The following DEPTOR variants were observed in gnomAD, a reference collection of about 807,000 sequenced individuals.
DEPTOR encodes DEP domain-containing mTOR-interacting protein.
In DEPTOR, 41 loss-of-function variants were observed where a neutral mutation model predicts 41.6. The observed-to-expected ratio is 0.98, with a 90% CI of 0.77 to 1.28. The LOEUF (loss-of-function observed/expected upper bound fraction) is 1.28, where lower values mean the gene tolerates loss of function less well. DEPTOR is among the 50% of genes most tolerant of loss of function. DEPTOR has a pLI of 0.00. For missense variants in DEPTOR, 514 were observed against 527.9 expected (o/e 0.97, Z 0.26); for synonymous variants, 195 against 192.3 (o/e 1.01, Z -0.12).
chr8:119,925,853 G>A (rs990107746), intron 1 of DEPTOR, among the ~76,000 whole-genome samples: 1 of 152,204 alleles, frequency 6.6e-6, no homozygotes, highest in South Asian at 2.1e-4. Flanking sequence ...TCGAGCTCCC[G>A]ACCTCAAGTG....
chr8:119,888,684 C>T (rs1311557049), intron 1 of DEPTOR, among the ~76,000 whole-genome samples: 4 of 151,880 alleles, frequency 2.6e-5, no homozygotes, highest in African/African-American at 4.8e-5. Flanking sequence ...GGTGAAACCC[C>T]GTCTCTACTA....
chr8:120,023,792 C>A (rs1812757854), intron 8 of DEPTOR, among the ~76,000 whole-genome samples: 1 of 118,194 alleles, frequency 8.5e-6, no homozygotes, highest in Non-Finnish European at 1.8e-5. Context: ...GTTTCAGTCA[C>A]CTATTTTGTT....
chr8:119,987,771 G>A (rs139869524), intron 4 of DEPTOR, among the ~76,000 whole-genome samples: 349 of 152,300 alleles, frequency 2.3e-3, no homozygotes, highest in Middle Eastern at 3.4e-3. Context: ...CATAGCTGTG[G>A]TGGGCTCTGC....
chr8:120,002,791 A>AAATATATATAT, intron 5 of DEPTOR, among the ~76,000 whole-genome samples, 186 bp from the exon 6 acceptor site: 29 of 60,676 alleles, frequency 4.8e-4, no homozygotes, highest in African/African-American at 6.8e-4. Context: ...AAAAAAAAAA[A>AAATATATATAT]ATATATATAT....
At chr8:119,929,180 C>T (rs1482888270) in intron 2 of DEPTOR, among the ~76,000 whole-genome samples, 1 of 152,136 alleles carries the variant, frequency 6.6e-6, no homozygotes, top group African/African-American at 2.4e-5. Context: ...AATGAAGATT[C>T]ACCAACATGT....
rs552183759 is a variant in DEPTOR at position 119,963,600 on chromosome 8, C to G, written c.426-1632C>G. 2.0e-3 allele frequency among the ~76,000 whole-genome samples: 311 copies of G among 152,296 alleles called. 1 individual carries two copies. Among genetic ancestry groups the G allele is most frequent in the Admixed American group, 4.7e-3 (72 of 15,302 alleles). ...CCCTGACCTCAAGTGATCCACCAGCCTCAGCTTCCCAAGGTGCTGGGACTA... is the reference window on the plus strand; with the variant it reads ...CCCTGACCTCAAGTGATCCACCAGCGTCAGCTTCCCAAGGTGCTGGGACTA... On this transcript the variant is annotated intron_variant, in intron 3 of 8. Transcript: ENST00000286234.
chr8:119,921,748 G>GTTTTGT (rs1827896747), intron 1 of DEPTOR, among the ~76,000 whole-genome samples: 1 of 131,132 alleles, frequency 7.6e-6, no homozygotes, highest in African/African-American at 3.0e-5. Flanking sequence ...CTATTCTGTA[G>GTTTTGT]TTTTTTTTTT....
In DEPTOR at chr8:120,003,197, C is replaced by T. The variant is rs1812383052; in HGVS notation, c.925+86C>T. 2.6e-6 allele frequency: 4 copies of T among 1,559,776 alleles called. No homozygotes were observed. The African/African-American group carries it at 4.0e-5, about 16-fold the overall frequency. ...AAGCAGAATCTGAGATAGCGGGAGA[C>T]TAGTGTGTGGGTTCTAATAAGTTAG... On this transcript the variant is annotated intron_variant, in intron 6 of 8. Coordinates refer to ENST00000286234, the MANE Select transcript of DEPTOR (RefSeq NM_022783.4).
At chr8:119,970,465 G>A (rs1828617630) in intron 4 of DEPTOR, among the ~76,000 whole-genome samples, 1 of 152,186 alleles carries the variant, frequency 6.6e-6, no homozygotes, top group Non-Finnish European at 1.5e-5. Flanking sequence ...GGTCTGGGAT[G>A]TGACTGGGTA....
chr8:119,945,394 C>T (rs942224602), intron 3 of DEPTOR, among the ~76,000 whole-genome samples: 1 of 152,146 alleles, frequency 6.6e-6, no homozygotes, highest in Non-Finnish European at 1.5e-5. Context: ...ATGTTCTAGG[C>T]ACCTTCCTAA....
In DEPTOR at chr8:120,050,069, A is replaced by T. The variant is rs1813213658; in HGVS notation, c.*365A>T. 1 of 162,458 alleles carries T rather than the reference A, an allele frequency of 6.2e-6. No homozygotes were observed. Among genetic ancestry groups the T allele is most frequent in the Admixed American group, 6.3e-5 (1 of 15,768 alleles). 10.1% of individuals were successfully genotyped at this position (162,458 alleles called of 1,614,324 possible). A position where few individuals can be genotyped will look rare whatever the true frequency, so the allele number is the denominator to read the frequency against. ...TAAAGTCCCCTTCTTCAGAGTCAAT[A>T]GAGTAGTTGTTAAAGGTTTTAAATT... On this transcript the variant is annotated 3_prime_UTR_variant, in exon 9 of 9. Transcript: ENST00000286234.
At chr8:119,907,339 T>A (rs559654915) in intron 1 of DEPTOR, among the ~76,000 whole-genome samples, 23 of 152,266 alleles carry the variant, frequency 1.5e-4, no homozygotes, top group Admixed American at 6.5e-4. Flanking sequence ...GATATTTTTT[T>A]AAAAAATATT....
intron 8 of DEPTOR, among the ~76,000 whole-genome samples, chr8:120,020,056 G>C (rs1323911167): frequency 6.9e-6 from 1 of 145,578 alleles, no homozygotes. Context: ...GACTTCTCCT[G>C]CCAGTTCTTC....
chr8:120,013,902 G>A (rs920292437), intron 8 of DEPTOR, among the ~76,000 whole-genome samples: 1 of 151,530 alleles, frequency 6.6e-6, no homozygotes, highest in African/African-American at 2.4e-5. Context: ...TGCAGTGGCG[G>A]GATCTCAGCT....
intron 1 of DEPTOR, among the ~76,000 whole-genome samples, chr8:119,927,947 T>C (rs966044541): frequency 2.6e-5 from 4 of 151,854 alleles, no homozygotes; most frequent in African/African-American, 9.7e-5. Flanking sequence ...AGGCAGGTAG[T>C]AGACATTCAT....
At chr8:120,027,225 A>G (rs1392706596) in intron 8 of DEPTOR, among the ~76,000 whole-genome samples, 2 of 119,734 alleles carry the variant, frequency 1.7e-5, no homozygotes, top group Admixed American at 9.0e-5. Flanking sequence ...TCTCAAAAAA[A>G]TAAAAATAAA....
At chr8:119,895,289 C>T (rs1244200524) in intron 1 of DEPTOR, among the ~76,000 whole-genome samples, 1 of 152,202 alleles carries the variant, frequency 6.6e-6, no homozygotes, top group Non-Finnish European at 1.5e-5. Flanking sequence ...ATCAGAGGGT[C>T]TACAGCCTTG....
At chr8:119,910,504 G>A (rs889740736) in intron 1 of DEPTOR, among the ~76,000 whole-genome samples, 1 of 150,348 alleles carries the variant, frequency 6.7e-6, no homozygotes, top group South Asian at 2.1e-4. Flanking sequence ...CCAGGCTGGA[G>A]TGCAATGGCA....
chr8:119,993,127 A>C (rs1053561196), intron 4 of DEPTOR, among the ~76,000 whole-genome samples: 2 of 152,150 alleles, frequency 1.3e-5, no homozygotes, highest in Non-Finnish European at 2.9e-5. Context: ...ATAAGGGAGG[A>C]AAATGTAGTC....
Sources: allele counts gnomAD v4.1 joint callset (sites outside exome capture counted in the v4.1 genomes callset), GRCh38; gene constraint gnomAD v4.1.1; transcripts MANE v1.5; gene names NCBI Gene and HGNC (gene_info 2026-07-23, HGNC 2026-07-21).